CNTNAP2: variants seen among roughly 807,000 people sequenced by gnomAD.
The protein encoded by CNTNAP2 is contactin-associated protein-like 2.
In CNTNAP2, 98 loss-of-function variants were observed where a neutral mutation model predicts 155.2. The observed-to-expected ratio is 0.63, with a 90% CI of 0.54 to 0.75. The LOEUF is 0.75. Ranked by LOEUF, CNTNAP2 falls within the 30% of genes least tolerant of loss-of-function variation. CNTNAP2 has a pLI of 0.00. For synonymous variants in CNTNAP2, 651 were observed against 631.2 expected, an observed-to-expected ratio of 1.03 and a Z score of -0.47; for missense variants, 1,727 against 1,688.1, an observed-to-expected ratio of 1.02 and a Z score of -0.40.
At chr7:146,173,137 A>T (rs57071654) in intron 1 of CNTNAP2, among the ~76,000 whole-genome samples, 6,032 of 152,114 alleles carry the variant, frequency 0.04, 314 homozygotes, top group African/African-American at 0.12. Flanking sequence ...AAGGATTTTT[A>T]AAAAAAACTG....
intron 3 of CNTNAP2, among the ~76,000 whole-genome samples, chr7:146,896,751 T>C (rs147489161): frequency 3.9e-5 from 6 of 152,146 alleles, no homozygotes; most frequent in Non-Finnish European, 5.9e-5. Context: ...ATTCTGATAA[T>C]TAGTTTATTT....
At chr7:147,110,375 T>A (rs1403519761) in intron 5 of CNTNAP2, among the ~76,000 whole-genome samples, 1 of 152,108 alleles carries the variant, frequency 6.6e-6, no homozygotes, top group Non-Finnish European at 1.5e-5. Flanking sequence ...TTTTTTTTTT[T>A]TAAATTTAAG....
At chr7:146,759,577 C>G (rs995270607) in intron 1 of CNTNAP2, among the ~76,000 whole-genome samples, 1 of 151,008 alleles carries the variant, frequency 6.6e-6, no homozygotes, top group Non-Finnish European at 1.5e-5. Context: ...TGCCTGTAAT[C>G]CCAGCTACTC....
intron 12 of CNTNAP2, among the ~76,000 whole-genome samples, chr7:147,638,502 C>G (rs982863495): frequency 6.6e-6 from 1 of 152,258 alleles, no homozygotes; most frequent in Middle Eastern, 3.4e-3. Flanking sequence ...CTTCTTTTCT[C>G]GCAGTGAAAT....
intron 10 of CNTNAP2, among the ~76,000 whole-genome samples, chr7:147,475,169 T>A (rs2116616545): frequency 6.6e-6 from 1 of 152,318 alleles, no homozygotes; most frequent in African/African-American, 2.4e-5. Context: ...ATTTTTTGGC[T>A]GACACAAACA....
intron 1 of CNTNAP2, among the ~76,000 whole-genome samples, chr7:146,132,876 T>A (rs1293306872): frequency 2.0e-5 from 3 of 149,352 alleles, no homozygotes; most frequent in Non-Finnish European, 4.4e-5. Context: ...TAAACATACA[T>A]GTGCATGTGT....
At chr7:147,094,159 G>C (rs1406960152) in intron 4 of CNTNAP2, among the ~76,000 whole-genome samples, 1 of 152,148 alleles carries the variant, frequency 6.6e-6, no homozygotes, top group Non-Finnish European at 1.5e-5. Context: ...AGATCTTGCA[G>C]AGCAACAGAT....
At chr7:147,990,145 T>A (rs1380867535) in intron 15 of CNTNAP2, among the ~76,000 whole-genome samples, 4 of 152,176 alleles carry the variant, frequency 2.6e-5, no homozygotes, top group Non-Finnish European at 4.4e-5. Context: ...TAATCAGAGT[T>A]TTGTTATAAA....
chr7:146,452,627 ACTTAAATTCT>A (rs1279130562), intron 1 of CNTNAP2, among the ~76,000 whole-genome samples: 1 of 152,206 alleles, frequency 6.6e-6, no homozygotes, highest in Non-Finnish European at 1.5e-5. Context: ...TATTACTTGA[ACTTAAATTCT>A]TTCTTTAAAC....
At chr7:147,690,295 A>C (rs1796069519) in intron 13 of CNTNAP2, among the ~76,000 whole-genome samples, 1 of 152,082 alleles carries the variant, frequency 6.6e-6, no homozygotes, top group South Asian at 2.1e-4. Context: ...CTTCTATACA[A>C]AGTCTTCCCT....
intron 13 of CNTNAP2, among the ~76,000 whole-genome samples, chr7:147,738,991 A>T (rs1477360383): frequency 6.6e-6 from 1 of 152,116 alleles, no homozygotes; most frequent in Non-Finnish European, 1.5e-5. Flanking sequence ...AAACCAAAAA[A>T]TTCCTGTGAC....
intron 13 of CNTNAP2, among the ~76,000 whole-genome samples, chr7:147,736,059 T>C (rs1291826426): frequency 1.4e-5 from 2 of 145,552 alleles, no homozygotes; most frequent in African/African-American, 4.9e-5. Flanking sequence ...CTTGATCCTG[T>C]CATTATGATA....
chr7:147,654,730 G>C (rs1990251), intron 13 of CNTNAP2, among the ~76,000 whole-genome samples: 19,965 of 151,446 alleles, frequency 0.13, 1,871 homozygotes, highest in African/African-American at 0.26. Context: ...TCCTTACCAG[G>C]AGGTTTTCAA....
In CNTNAP2 at chr7:148,415,875, A is replaced by G; in HGVS notation, c.*259A>G. The G allele has an allele frequency of 1.8e-6, 1 of 571,268 alleles. No individual in the cohort carries two copies. The highest frequency in any genetic ancestry group is 3.1e-6 in the Non-Finnish European group (1 of 323,552). The allele number at this position is 571,268 out of a possible 1,614,324, so 35.4% of individuals were successfully genotyped here. ...AAAAAATGCTTTTAGAGTTTAAGCAATGGTTGAAATTTGTAGGTACTATCT... is the reference window on the plus strand; with the variant it reads ...AAAAAATGCTTTTAGAGTTTAAGCAGTGGTTGAAATTTGTAGGTACTATCT... On this transcript the variant is annotated 3_prime_UTR_variant, in exon 24 of 24. Coordinates refer to ENST00000361727, the MANE Select transcript of CNTNAP2 (RefSeq NM_014141.6).
chr7:147,924,806 C>A (rs971646737), intron 14 of CNTNAP2, among the ~76,000 whole-genome samples: 1 of 152,028 alleles, frequency 6.6e-6, no homozygotes, highest in African/African-American at 2.4e-5. Flanking sequence ...GAGTCATCCA[C>A]ACCTCTCAAG....
intron 21 of CNTNAP2, among the ~76,000 whole-genome samples, chr7:148,365,853 C>T (rs1468062127): frequency 9.3e-6 from 1 of 107,538 alleles, no homozygotes; most frequent in African/African-American, 4.1e-5. Flanking sequence ...CATGTGTATG[C>T]ATGTATACAT....
chr7:146,947,519 G>C (rs1159871227), intron 3 of CNTNAP2, among the ~76,000 whole-genome samples: 2 of 135,322 alleles, frequency 1.5e-5, no homozygotes, highest in East Asian at 4.2e-4. Flanking sequence ...TATATATAGT[G>C]TGTATGTATG....
Position 148,253,009 on chromosome 7 carries a change from C to CATAGATAGATAG in CNTNAP2, c.3382-13994_3382-13983dup, listed in dbSNP as rs59679982. ...CCAGAATAACAGAGATAGATAGATA[C>CATAGATAGATAG]ATAGATAGATAGATAGATAGATAGA... On this transcript the variant is annotated intron_variant, in intron 20 of 23. Transcript: ENST00000361727. 6.3e-3 allele frequency among the ~76,000 whole-genome samples: 888 copies of CATAGATAGATAG among 141,942 alleles called. 7 individuals are homozygous for CATAGATAGATAG. Among genetic ancestry groups the CATAGATAGATAG allele is most frequent in the East Asian group, 0.018 (84 of 4,794 alleles). 93.1% of individuals were successfully genotyped at this position (141,942 alleles called of 152,430 possible). A position where few individuals can be genotyped will look rare whatever the true frequency, so the allele number is the denominator to read the frequency against.
At chr7:147,209,109 C>CACA (rs1803082809) in intron 8 of CNTNAP2, among the ~76,000 whole-genome samples, 1 of 151,958 alleles carries the variant, frequency 6.6e-6, no homozygotes, top group South Asian at 2.1e-4. Flanking sequence ...GAATTGTTTT[C>CACA]TAATTCTGTG....
Sources: allele counts gnomAD v4.1 joint callset (sites outside exome capture counted in the v4.1 genomes callset), GRCh38; gene constraint gnomAD v4.1.1; transcripts MANE v1.5; gene names NCBI Gene and HGNC (gene_info 2026-07-23, HGNC 2026-07-21).